The following ZNF763 variants were observed in gnomAD, a reference collection of about 807,000 sequenced individuals.
ZNF763 encodes DNA-binding protein.
ZNF763 carries 33 observed loss-of-function variants against 38.0 expected under a neutral mutation model. That is an observed-to-expected ratio of 0.87 (90% CI 0.66 to 1.16). The LOEUF (loss-of-function observed/expected upper bound fraction) is 1.16. ZNF763 is among the 50% of genes most tolerant of loss of function. ZNF763 has a pLI of 0.00. For synonymous variants in ZNF763, 155 were observed against 160.1 expected (o/e 0.97, Z 0.24); for missense variants, 423 against 469.1 (o/e 0.90, Z 0.91).
chr19:11,980,128 T>G lies in ZNF763; in HGVS notation c.*1019T>G. The G allele has an allele frequency of 1.2e-6, 1 of 828,260 alleles. No individual in the cohort carries two copies. Among genetic ancestry groups the G allele is most frequent in the Non-Finnish European group, 1.9e-6 (1 of 525,092 alleles). 51.3% of individuals were successfully genotyped at this position (828,260 alleles called of 1,614,324 possible). A position where few individuals can be genotyped will look rare whatever the true frequency, so the allele number is the denominator to read the frequency against. ...CACACCTTCGAAAACATGGTAGGACTCACACTGGATAGAAACCAAAGCAGG... is the reference window on the plus strand; with the variant it reads ...CACACCTTCGAAAACATGGTAGGACGCACACTGGATAGAAACCAAAGCAGG... On this transcript the variant is annotated 3_prime_UTR_variant, in exon 4 of 4. Coordinates refer to ENST00000358987, the MANE Select transcript of ZNF763 (RefSeq NM_001367172.2).
Position 11,980,180 on chromosome 19 carries a change from G to C in ZNF763, c.*1071G>C, listed in dbSNP as rs1973589819. 1 of 572,804 alleles carries C rather than the reference G, an allele frequency of 1.7e-6. No individual in the cohort carries two copies. Among genetic ancestry groups the C allele is most frequent in the Admixed American group, 2.9e-5 (1 of 34,290 alleles). 35.5% of individuals were successfully genotyped at this position (572,804 alleles called of 1,614,324 possible). A position where few individuals can be genotyped will look rare whatever the true frequency, so the allele number is the denominator to read the frequency against. ...GAATCACCTGAGGTCAGGAGTTCAAGACTGGCCTGATCAATATGATGAAAC... is the reference window on the plus strand; with the variant it reads ...GAATCACCTGAGGTCAGGAGTTCAACACTGGCCTGATCAATATGATGAAAC... On this transcript the variant is annotated 3_prime_UTR_variant, in exon 4 of 4. Transcript: ENST00000358987.
intron 1 of ZNF763, among the ~76,000 whole-genome samples, chr19:11,966,434 C>T (rs1471231066): frequency 6.6e-6 from 1 of 152,160 alleles, no homozygotes; most frequent in East Asian, 1.9e-4. Context: ...AGTGCAATGG[C>T]TGGATCTCGG....
At position 11,980,182 on chromosome 19, in the gene ZNF763, C is replaced by A; in HGVS notation, c.*1073C>A. The A allele has an allele frequency of 1.8e-6, 1 of 556,436 alleles. No homozygotes were observed. The highest frequency in any genetic ancestry group is 3.1e-6 in the Non-Finnish European group (1 of 321,698). 34.5% of individuals were successfully genotyped at this position (556,436 alleles called of 1,614,324 possible). A position where few individuals can be genotyped will look rare whatever the true frequency, so the allele number is the denominator to read the frequency against. On this transcript the variant is annotated 3_prime_UTR_variant, in exon 4 of 4. Coordinates refer to ENST00000358987, the MANE Select transcript of ZNF763 (RefSeq NM_001367172.2). ...ATCACCTGAGGTCAGGAGTTCAAGA[C>A]TGGCCTGATCAATATGATGAAACCC...
In ZNF763 at chr19:11,979,355, T is replaced by A. The variant is rs909164841; in HGVS notation, c.*246T>A. 2 of 1,610,606 alleles carry A rather than the reference T, an allele frequency of 1.2e-6. No homozygotes were observed. The highest frequency in any genetic ancestry group is 2.7e-5 in the African/African-American group (2 of 74,458). ...GGTAGGACTCACTGGAGAGAAACCC[T>A]ATGAGTGTAAGGAATGTGGGAAAGC... On this transcript the variant is annotated 3_prime_UTR_variant, in exon 4 of 4. Coordinates refer to ENST00000358987, the MANE Select transcript of ZNF763 (RefSeq NM_001367172.2).
At position 11,980,040 on chromosome 19, in the gene ZNF763, G is replaced by A; in HGVS notation, c.*931G>A. Reference sequence around the variant, plus strand: ...TTCACTTCTTTTCGATAACATGAAAGGACTCACACTGGAGAGAAACCCTAT... The same window carrying A: ...TTCACTTCTTTTCGATAACATGAAAAGACTCACACTGGAGAGAAACCCTAT... On this transcript the variant is annotated 3_prime_UTR_variant, in exon 4 of 4. Transcript: ENST00000358987. 2 of 1,096,620 alleles carry A rather than the reference G, an allele frequency of 1.8e-6. No homozygotes were observed. Among genetic ancestry groups the A allele is most frequent in the Non-Finnish European group, 2.7e-6 (2 of 731,188 alleles). 67.9% of individuals were successfully genotyped at this position (1,096,620 alleles called of 1,614,324 possible).
chr19:11,974,101 CTTTCTTTCTTTCTTTCTTTCTTTCT>C (rs1568308310), intron 1 of ZNF763, among the ~76,000 whole-genome samples: 14 of 95,152 alleles, frequency 1.5e-4, no homozygotes, highest in African/African-American at 3.8e-4. Context: ...TTCTTTCTTT[CTTTCTTTCTTTCTTTCTTTCTTTCT>C]TTTCTTTCTT....
intron 1 of ZNF763, among the ~76,000 whole-genome samples, chr19:11,968,383 C>T (rs1271977856): frequency 6.6e-6 from 1 of 152,098 alleles, no homozygotes; most frequent in Non-Finnish European, 1.5e-5. Flanking sequence ...GCTGAGAGTA[C>T]AGTTGCCCAC....
At chr19:11,971,164 C>T (rs968527731) in intron 1 of ZNF763, among the ~76,000 whole-genome samples, 1 of 152,044 alleles carries the variant, frequency 6.6e-6, no homozygotes, top group Non-Finnish European at 1.5e-5. Flanking sequence ...TCTGACAGTT[C>T]TTGAGGTTGT....
Position 11,978,344 on chromosome 19 carries a change from A to G in ZNF763, c.420A>G (p.Ala140=). Residue 140 remains alanine (A), a synonymous_variant, in exon 4 of 4, where the codon GCA becomes GCG. Coordinates refer to ENST00000358987, the MANE Select transcript of ZNF763 (RefSeq NM_001367172.2). ...GHKAYEYQDY[A]PKPYKCQQPK... is the part of the protein sequence containing the mutation. ...AGGCATACGAGTATCAGGACTATGC[A>G]CCAAAGCCATATAAGTGTCAACAAC... is the stretch of plus-strand genomic sequence containing the variant. The G allele has an allele frequency of 6.2e-7, 1 of 1,614,246 alleles. No individual in the cohort carries two copies.
At chr19:11,974,069 T>TTTTCTTTCTTACTTTC (rs1973407735) in intron 1 of ZNF763, among the ~76,000 whole-genome samples, 1 of 114,776 alleles carries the variant, frequency 8.7e-6, no homozygotes, top group African/African-American at 3.2e-5. Flanking sequence ...TCCTTCTTTC[T>TTTTCTTTCTTACTTTC]TTTCTTTCTT....
chr19:11,978,449 A>G lies in ZNF763; in HGVS notation c.525A>G (p.Lys175=). 6.2e-7 allele frequency: 1 copy of G among 1,614,194 alleles called. No homozygotes were observed. Among genetic ancestry groups the G allele is most frequent in the African/African-American group, 1.3e-5 (1 of 75,054 alleles). Residue 175 remains lysine (K), a synonymous_variant, in exon 4 of 4, where the codon AAA becomes AAG. Coordinates refer to ENST00000358987, the MANE Select transcript of ZNF763 (RefSeq NM_001367172.2). ...NHTGEKPYAC[K]ECGKTFISHS... is the part of the protein sequence containing the mutation. ...CCGGAGAGAAACCCTATGCTTGTAA[A>G]GAATGTGGAAAAACCTTTATTTCCC...
chr19:11,974,110 TTTCTTTCTTTCTTTCTTTTCTTTCTTTC>T (rs1228129742), intron 1 of ZNF763, among the ~76,000 whole-genome samples: 27 of 101,036 alleles, frequency 2.7e-4, no homozygotes, highest in South Asian at 6.6e-4. Context: ...TCTTTCTTTC[TTTCTTTCTTTCTTTCTTTTCTTTCTTTC>T]TTTCTTTCTT....
At chr19:11,967,313 G>A (rs1019707030) in intron 1 of ZNF763, among the ~76,000 whole-genome samples, 4 of 152,054 alleles carry the variant, frequency 2.6e-5, no homozygotes, top group African/African-American at 9.7e-5. Flanking sequence ...CTCCAGTGTG[G>A]GTAACAGAGT....
intron 1 of ZNF763, among the ~76,000 whole-genome samples, chr19:11,971,031 CTTAA>C (rs1266037411): frequency 6.6e-6 from 1 of 152,184 alleles, no homozygotes; most frequent in East Asian, 1.9e-4. Context: ...ACCATTTTCT[CTTAA>C]TTAGTGTAGA....
rs1973374745 is a variant in ZNF763, at chr19:11,972,643, C to T, written c.4-4395C>T. Among the ~76,000 whole-genome samples, 5 of 152,258 alleles carry T rather than the reference C, an allele frequency of 3.3e-5. No homozygotes were observed. In the South Asian group the frequency reaches 1.0e-3, roughly 32 times the overall value. On this transcript the variant is annotated intron_variant, in intron 1 of 3. Coordinates refer to ENST00000358987, the MANE Select transcript of ZNF763 (RefSeq NM_001367172.2). ...TGTGATATTTTATATTGGATTTTAA[C>T]TCAGTTATGAACCTTACATGGAATG...
At position 11,978,427 on chromosome 19, in the gene ZNF763, G is replaced by C. The variant is rs548263464; in HGVS notation, c.503G>C (p.Gly168Ala). ...AGAACACAAGAAAGGAATCACACCGGAGAGAAACCCTATGCTTGTAAAGAA... is the reference window on the plus strand; with the variant it reads ...AGAACACAAGAAAGGAATCACACCGCAGAGAAACCCTATGCTTGTAAAGAA... The part of the protein sequence containing the change: ...SFRTQERNHT[G>A]EKPYACKECG... The change falls in exon 4 of 4, where the codon GGA becomes GCA. Residue 168 changes from glycine (G) to alanine (A), a missense_variant. Gly to Ala is a moderately conservative substitution (Grantham distance 60). Coordinates refer to ENST00000358987, the MANE Select transcript of ZNF763 (RefSeq NM_001367172.2). The C allele has an allele frequency of 1.2e-6, 2 of 1,614,160 alleles. No homozygotes were observed. The highest frequency in any genetic ancestry group is 2.2e-5 in the South Asian group (2 of 91,078).
Position 11,979,685 on chromosome 19 carries a change from G to T in ZNF763, c.*576G>T, listed in dbSNP as rs878884127. The stretch of plus-strand genomic sequence containing the variant: ...TGCCTCAATCCTTCAAATGCATGCT[G>T]GGACTCACCCTGAAGAGAAGCCCTA... On this transcript the variant is annotated 3_prime_UTR_variant, in exon 4 of 4. Coordinates refer to ENST00000358987, the MANE Select transcript of ZNF763 (RefSeq NM_001367172.2). 1 of 1,576,798 alleles carries T rather than the reference G, an allele frequency of 6.3e-7. No individual in the cohort carries two copies. Among genetic ancestry groups the T allele is most frequent in the African/African-American group, 1.4e-5 (1 of 70,468 alleles).
At chr19:11,966,278 C>G (rs1973227383) in intron 1 of ZNF763, among the ~76,000 whole-genome samples, 1 of 152,146 alleles carries the variant, frequency 6.6e-6, no homozygotes, top group Admixed American at 6.5e-5. Flanking sequence ...GTCTCACCTG[C>G]CATCCTGTCA....
rs944637807 is a variant in ZNF763 at position 11,966,534 on chromosome 19, T to C, written c.3+1323T>C. Among the ~76,000 whole-genome samples the C allele has an allele frequency of 1.2e-4, 18 of 152,064 alleles. 1 individual carries two copies. The highest frequency in any genetic ancestry group is 2.9e-5 in the Non-Finnish European group (2 of 68,004). On this transcript the variant is annotated intron_variant, in intron 1 of 3. Coordinates refer to ENST00000358987, the MANE Select transcript of ZNF763 (RefSeq NM_001367172.2). ...GATTACAGACATGCACCACCATGCC[T>C]GGCTAATTTTTGTATTTTTAGTAAA...
Sources: allele counts gnomAD v4.1 joint callset (sites outside exome capture counted in the v4.1 genomes callset), GRCh38; gene constraint gnomAD v4.1.1; transcripts MANE v1.5; gene names NCBI Gene and HGNC (gene_info 2026-07-23, HGNC 2026-07-21).